Variants in IFT57 observed in about 807,000 individuals in gnomAD.
IFT57 encodes the protein intraflagellar transport 57, also known as intraflagellar transport protein 57 homolog.
In IFT57, 59 loss-of-function variants were observed where a neutral mutation model predicts 56.8. The ratio of observed to expected loss-of-function variants is 1.04; its 90% CI spans 0.84 to 1.29. IFT57 has a LOEUF of 1.29. Ranked by LOEUF, IFT57 falls within the 50% of genes most tolerant of loss-of-function variation. The probability of loss-of-function intolerance (pLI) is 0.00; values close to 1 mark genes in which losing one functional copy is unlikely to be tolerated. For synonymous variants in IFT57, 209 were observed against 186.1 expected (o/e 1.12, Z -1.00); for missense variants, 470 against 522.1 (o/e 0.90, Z 0.97).
chr3:108,201,235 G>A (rs1322079843), intron 5 of IFT57, among the ~76,000 whole-genome samples: 1 of 152,136 alleles, frequency 6.6e-6, no homozygotes, highest in Non-Finnish European at 1.5e-5. Flanking sequence ...ACCTTGAAAA[G>A]TCCTTGCTTC....
intron 1 of IFT57, among the ~76,000 whole-genome samples, chr3:108,219,936 A>G (rs1056000878): frequency 5.3e-5 from 8 of 152,364 alleles, no homozygotes; most frequent in African/African-American, 1.9e-4. Context: ...GAAGAACCTC[A>G]GAGTTTAAAA....
At chr3:108,203,167 G>T (rs894989102) in intron 5 of IFT57, among the ~76,000 whole-genome samples, 1 of 152,194 alleles carries the variant, frequency 6.6e-6, no homozygotes, top group Admixed American at 6.5e-5. Flanking sequence ...CCTCCAGGGG[G>T]TGAGCTAAGC....
chr3:108,164,879 C>G (rs1218502372), intron 9 of IFT57, among the ~76,000 whole-genome samples: 1 of 151,934 alleles, frequency 6.6e-6, no homozygotes, highest in Non-Finnish European at 1.5e-5. Flanking sequence ...TTTTTTCCTC[C>G]TTTGGCTCTT....
chr3:108,175,399 C>T (rs1178485034), intron 6 of IFT57, among the ~76,000 whole-genome samples: 3 of 151,698 alleles, frequency 2.0e-5, no homozygotes. Context: ...TCATTGTAAC[C>T]ATAGATCCCC....
intron 5 of IFT57, among the ~76,000 whole-genome samples, chr3:108,199,913 TTAGAAAAGAGACAA>T (rs2080268399): frequency 6.6e-6 from 1 of 152,096 alleles, no homozygotes; most frequent in Non-Finnish European, 1.5e-5. Context: ...GGAAGGTATT[TTAGAAAAGAGACAA>T]TAGGAAAGAG....
chr3:108,163,145 T>C (rs2080042776), intron 10 of IFT57, among the ~76,000 whole-genome samples: 1 of 152,022 alleles, frequency 6.6e-6, no homozygotes, highest in Admixed American at 6.6e-5. Flanking sequence ...CCTTCGGCAA[T>C]CACTACTGGC....
intron 6 of IFT57, among the ~76,000 whole-genome samples, chr3:108,182,210 T>A (rs2080154777): frequency 6.6e-6 from 1 of 152,012 alleles, no homozygotes; most frequent in South Asian, 2.1e-4. Flanking sequence ...ACTGCATCCA[T>A]GGCAGAAGGT....
chr3:108,213,086 T>C (rs926329241), intron 4 of IFT57, among the ~76,000 whole-genome samples: 1 of 152,190 alleles, frequency 6.6e-6, no homozygotes, highest in African/African-American at 2.4e-5. Flanking sequence ...CATTTTCTTT[T>C]CTCTAGCTTA....
chr3:108,173,997 AGTGTGT>A lies in IFT57; in HGVS notation c.778-6139_778-6134del, dbSNP rs34537693. ...AAAAATCAGTATTTGCATATATTTG[AGTGTGT>A]GTGTGTGTGTGTGTGTGTGTGTGTG... is the stretch of plus-strand genomic sequence containing the variant. On this transcript the variant is annotated intron_variant, in intron 6 of 10. Transcript: ENST00000264538. Among the ~76,000 whole-genome samples, 858 of 100,742 alleles carry A rather than the reference AGTGTGT, an allele frequency of 8.5e-3. 15 individuals carry two copies. The highest frequency in any genetic ancestry group is 0.022 in the African/African-American group (633 of 29,320). 66.1% of individuals were successfully genotyped at this position (100,742 alleles called of 152,430 possible).
At chr3:108,169,466 C>T (rs182636551) in intron 6 of IFT57, among the ~76,000 whole-genome samples, 65 of 152,042 alleles carry the variant, frequency 4.3e-4, no homozygotes, top group Admixed American at 3.9e-4. Flanking sequence ...GTTTCTTTTG[C>T]TGTGCAGAAG....
rs2080056943 is a variant in IFT57 at position 108,165,503 on chromosome 3, A to G, written c.982-10T>C. ...GGTATCGCTCCTTTGCCTGAGAGGA[A>G]AAACATTTTGTTTAATGGCAAATTC... On this transcript the variant is annotated splice_polypyrimidine_tract_variant and intron_variant, in intron 8 of 10. Transcript: ENST00000264538. 2.5e-6 allele frequency: 4 copies of G among 1,611,256 alleles called. No individual in the cohort carries two copies. In the East Asian group the frequency reaches 8.9e-5, roughly 36 times the overall value.
intron 9 of IFT57, among the ~76,000 whole-genome samples, chr3:108,164,152 T>G (rs1296205641): frequency 1.3e-5 from 2 of 152,100 alleles, no homozygotes; most frequent in Non-Finnish European, 2.9e-5. Context: ...ATATTATAGT[T>G]CTATAAGACA....
chr3:108,219,893 T>C (rs1218239117), intron 1 of IFT57, among the ~76,000 whole-genome samples: 2 of 152,248 alleles, frequency 1.3e-5, no homozygotes, highest in Admixed American at 1.3e-4. Flanking sequence ...AGTAATAATA[T>C]GTAAGTACCT....
chr3:108,214,124 T>C, intron 3 of IFT57, 103 bp from the exon 4 acceptor site: 1 of 609,842 alleles, frequency 1.6e-6, no homozygotes, highest in Non-Finnish European at 2.8e-6. Flanking sequence ...TTTGTCCTTT[T>C]TCATTCCGCT....
intron 5 of IFT57, among the ~76,000 whole-genome samples, chr3:108,202,616 G>A (rs142429507): frequency 9.9e-5 from 15 of 152,218 alleles, no homozygotes; most frequent in South Asian, 2.1e-4. Flanking sequence ...ATATCCATTC[G>A]TAATGCTTTC....
At chr3:108,192,311 A>T (rs2080220334) in intron 5 of IFT57, among the ~76,000 whole-genome samples, 1 of 150,082 alleles carries the variant, frequency 6.7e-6, no homozygotes. Context: ...TCATAATTGA[A>T]GTGATAATTT....
Position 108,216,901 on chromosome 3 carries a change from A to G in IFT57, c.494+1634T>C, listed in dbSNP as rs547153919. Among the ~76,000 whole-genome samples the G allele has an allele frequency of 2.6e-5, 4 of 152,228 alleles. No homozygotes were observed. The South Asian group carries it at 8.3e-4, about 32-fold the overall frequency. On this transcript the variant is annotated intron_variant, in intron 3 of 10. Coordinates refer to ENST00000264538, the MANE Select transcript of IFT57 (RefSeq NM_018010.4). ...GACAAATATCATAGAAGTAGAGAGT[A>G]TAATAGTGGTTACCATAGGATGGGA...
chr3:108,180,228 A>C (rs962006541), intron 6 of IFT57, among the ~76,000 whole-genome samples: 1 of 152,000 alleles, frequency 6.6e-6, no homozygotes, highest in African/African-American at 2.4e-5. Flanking sequence ...AAGAGTTTTC[A>C]TATGTTGACT....
At chr3:108,215,910 CT>C (rs1285041128) in intron 3 of IFT57, among the ~76,000 whole-genome samples, 1 of 152,062 alleles carries the variant, frequency 6.6e-6, no homozygotes, top group Non-Finnish European at 1.5e-5. Flanking sequence ...ATAAATAGTA[CT>C]GGGGAAACTG....
Sources: gnomAD v4.1 joint callset for allele counts (sites outside exome capture counted in the v4.1 genomes callset) on GRCh38, gnomAD v4.1.1 for gene constraint, MANE v1.5 for transcripts, NCBI Gene and HGNC (gene_info 2026-07-23, HGNC 2026-07-21) for gene names.